The following JARID2 variants were observed in gnomAD, a reference collection of about 807,000 sequenced individuals.
JARID2 encodes protein Jumonji.
JARID2 carries 21 observed loss-of-function variants against 125.6 expected under a neutral mutation model. That is an observed-to-expected ratio of 0.17 (90% CI 0.12 to 0.24). The LOEUF (loss-of-function observed/expected upper bound fraction) is 0.24. Among genes scored for constraint, JARID2 ranks in the 10% least tolerant of loss-of-function variants. JARID2 has a pLI of 1.00. For missense variants in JARID2, 1,303 were observed against 1,639.6 expected (o/e 0.79, Z 3.55); for synonymous variants, 736 against 661.6 (o/e 1.11, Z -1.73).
rs575553003 is a variant in JARID2, at chr6:15,520,643, A to G, written c.*392A>G. The G allele has an allele frequency of 1.1e-4, 30 of 280,120 alleles. No individual in the cohort carries two copies. The highest frequency in any genetic ancestry group is 6.4e-4 in the African/African-American group (28 of 43,840). 17.4% of individuals were successfully genotyped at this position (280,120 alleles called of 1,614,324 possible). ...AGTTTGGAGAACAAATTTAAAAACCATCAGTCATGTGAGCAGATTTTTTAG... is the reference window on the plus strand; with the variant it reads ...AGTTTGGAGAACAAATTTAAAAACCGTCAGTCATGTGAGCAGATTTTTTAG... On this transcript the variant is annotated 3_prime_UTR_variant, in exon 18 of 18. Coordinates refer to ENST00000341776, the MANE Select transcript of JARID2 (RefSeq NM_004973.4).
intron 2 of JARID2, among the ~76,000 whole-genome samples, chr6:15,379,490 G>C (rs957743236): frequency 6.6e-6 from 1 of 152,168 alleles, no homozygotes; most frequent in Admixed American, 6.5e-5. Context: ...CAAATAATGA[G>C]TACACAGAAT....
intron 1 of JARID2, chr6:15,248,832 G>A (rs1759312284): frequency 1.2e-6 from 1 of 865,450 alleles, no homozygotes; most frequent in Non-Finnish European, 1.4e-6. Context: ...GGCGCGGCGG[G>A]GCGGCGGGGG....
intron 2 of JARID2, among the ~76,000 whole-genome samples, chr6:15,376,492 G>A (rs1764359603): frequency 6.6e-6 from 1 of 152,126 alleles, no homozygotes; most frequent in South Asian, 2.1e-4. Context: ...GAGGAGGGAG[G>A]ATTGCTGGAG....
intron 1 of JARID2, among the ~76,000 whole-genome samples, chr6:15,297,395 G>A (rs1052507285): frequency 6.6e-6 from 1 of 151,850 alleles, no homozygotes; most frequent in Admixed American, 6.6e-5. Context: ...TGATCTACCC[G>A]CCTCGGCCTG....
At chr6:15,376,008 A>G (rs181429332) in intron 2 of JARID2, among the ~76,000 whole-genome samples, 1 of 152,258 alleles carries the variant, frequency 6.6e-6, no homozygotes, top group African/African-American at 2.4e-5. Context: ...AAAGTTTGTC[A>G]TTCCAGAAGC....
rs755493741 is a variant in JARID2, at chr6:15,496,726, C to T, written c.1501C>T (p.Arg501Trp). Residue 501 changes from arginine (R) to tryptophan (W), a missense_variant, in exon 7 of 18, where the codon CGG (arginine) becomes TGG (tryptophan). This residue lies in a region of JARID2 where 651 missense variants were observed against 581.6 expected (regional missense o/e 1.12). Coordinates refer to ENST00000341776, the MANE Select transcript of JARID2 (RefSeq NM_004973.4). ...CAGTCTGGAGAGGAATCGGCCGAAG[C>T]GGGCCACGGCCGGGAAGAGCACGCC... ...ERSLERNRPK[R>W]ATAGKSTPGR... 2.2e-5 allele frequency: 36 copies of T among 1,613,520 alleles called. No individual in the cohort carries two copies. The highest frequency in any genetic ancestry group is 3.3e-4 in the Middle Eastern group (2 of 6,084).
At chr6:15,504,657 A>AGGATG in intron 9 of JARID2, 65 bp downstream of exon 9, 1 of 1,049,650 alleles carries the variant, frequency 9.5e-7, no homozygotes. Context: ...GCTGGAGGAC[A>AGGATG]TCCTGTCCTG....
intron 1 of JARID2, among the ~76,000 whole-genome samples, chr6:15,306,447 G>A (rs1761831354): frequency 6.9e-6 from 1 of 145,612 alleles, no homozygotes; most frequent in Admixed American, 7.3e-5. Context: ...CGATTCTCCT[G>A]CCTCAGCCTC....
intron 3 of JARID2, among the ~76,000 whole-genome samples, chr6:15,444,735 ATTTTTTT>A (rs5874512): frequency 3.0e-4 from 28 of 91,920 alleles, no homozygotes; most frequent in East Asian, 1.2e-3. Flanking sequence ...GAACTGTCTG[ATTTTTTT>A]TTTTTTTTTT....
At chr6:15,502,446 G>GT (rs1770788228) in intron 8 of JARID2, among the ~76,000 whole-genome samples, 1 of 152,238 alleles carries the variant, frequency 6.6e-6, no homozygotes, top group African/African-American at 2.4e-5. Context: ...CGTGAGCCTG[G>GT]TGGGAGTGTG....
At chr6:15,288,271 G>A (rs1036485927) in intron 1 of JARID2, among the ~76,000 whole-genome samples, 21 of 151,498 alleles carry the variant, frequency 1.4e-4, no homozygotes, top group Non-Finnish European at 2.9e-4. Context: ...AGGTGGGAGG[G>A]GTGGGAGCAG....
intron 2 of JARID2, among the ~76,000 whole-genome samples, chr6:15,409,393 GGGTCTAGTTGCTGT>G (rs1765784921): frequency 6.6e-6 from 1 of 152,182 alleles, no homozygotes; most frequent in South Asian, 2.1e-4. Flanking sequence ...AGTGGACAGC[GGGTCTAGTTGCTGT>G]GGACATGTCT....
intron 5 of JARID2, among the ~76,000 whole-genome samples, chr6:15,473,774 C>T (rs1345848633): frequency 6.6e-6 from 1 of 152,152 alleles, no homozygotes; most frequent in Non-Finnish European, 1.5e-5. Flanking sequence ...CTGCTGTTGC[C>T]ACATGGCTTG....
At chr6:15,402,609 C>G (rs1024164118) in intron 2 of JARID2, among the ~76,000 whole-genome samples, 2 of 152,096 alleles carry the variant, frequency 1.3e-5, no homozygotes. Flanking sequence ...TGACTGAGTT[C>G]CCTTGCTCTG....
chr6:15,288,807 A>G (rs1340340941), intron 1 of JARID2, among the ~76,000 whole-genome samples: 1 of 152,220 alleles, frequency 6.6e-6, no homozygotes, highest in Non-Finnish European at 1.5e-5. Context: ...ATCTTATTGT[A>G]GGGCATAACT....
intron 6 of JARID2, among the ~76,000 whole-genome samples, chr6:15,494,566 A>G (rs1430072682): frequency 6.6e-6 from 1 of 151,616 alleles, no homozygotes; most frequent in East Asian, 1.9e-4. Flanking sequence ...ACACCGCCAC[A>G]CCCAGCTAAT....
chr6:15,384,477 C>A (rs189134761), intron 2 of JARID2, among the ~76,000 whole-genome samples: 84 of 152,062 alleles, frequency 5.5e-4, no homozygotes, highest in African/African-American at 1.9e-3. Context: ...CCCTTCTTCC[C>A]TTTTTCAATA....
intron 1 of JARID2, among the ~76,000 whole-genome samples, chr6:15,277,435 C>T (rs1399346226): frequency 2.0e-5 from 3 of 152,082 alleles, no homozygotes; most frequent in Non-Finnish European, 2.9e-5. Flanking sequence ...CTTAATTGTT[C>T]TGATTTTAAT....
chr6:15,452,267 A>G (rs1020349100), intron 4 of JARID2, 92 bp downstream of exon 4: 10 of 1,501,898 alleles, frequency 6.7e-6, no homozygotes, highest in Non-Finnish European at 6.2e-6. Flanking sequence ...ACTCTCTGCC[A>G]TGTTCATTTT....
Sources: allele counts gnomAD v4.1 joint callset (sites outside exome capture counted in the v4.1 genomes callset), GRCh38; gene constraint gnomAD v4.1.1; regional missense constraint gnomAD v4.1.1; transcripts MANE v1.5; gene names NCBI Gene and HGNC (gene_info 2026-07-23, HGNC 2026-07-21).